The following SEC23A variants were observed in gnomAD, a reference collection of about 807,000 sequenced individuals.
SEC23A encodes protein transport protein Sec23A.
A neutral mutation model predicts 103.7 loss-of-function variants in SEC23A; 56 were observed. The ratio of observed to expected loss-of-function variants is 0.54; its 90% CI spans 0.44 to 0.67. SEC23A has a LOEUF of 0.67. Among genes scored for constraint, SEC23A ranks in the 30% least tolerant of loss-of-function variants. The pLI, the probability that SEC23A is intolerant of heterozygous loss-of-function variation, is 0.00. For synonymous variants in SEC23A, 281 were observed against 293.0 expected (o/e 0.96, Z 0.42); for missense variants, 784 against 936.4 (o/e 0.84, Z 2.12).
At chr14:39,055,079 G>A in intron 14 of SEC23A, 64 bp downstream of exon 14, 4 of 1,586,530 alleles carry the variant, frequency 2.5e-6, no homozygotes, top group Non-Finnish European at 3.5e-6. Context: ...GAGATTATCT[G>A]CAACAAACAT....
At chr14:39,040,707 A>T in intron 18 of SEC23A, 25 bp downstream of exon 18, 1 of 1,614,028 alleles carries the variant, frequency 6.2e-7, no homozygotes, top group Non-Finnish European at 8.5e-7. Context: ...ACAAACAAAC[A>T]CACAAACAAA....
Position 39,095,191 on chromosome 14 carries a change from G to C in SEC23A, c.221+707C>G, listed in dbSNP as rs559089233. ...ATCACCCAGATTTGCTAGTGGATTGGCTGGGGGGAGAGGGAATGGAAAGAG... is the reference window on the plus strand; with the variant it reads ...ATCACCCAGATTTGCTAGTGGATTGCCTGGGGGGAGAGGGAATGGAAAGAG... On this transcript the variant is annotated intron_variant, in intron 2 of 19. Coordinates refer to ENST00000307712, the MANE Select transcript of SEC23A (RefSeq NM_006364.4). Among the ~76,000 whole-genome samples, 9 of 152,294 alleles carry C rather than the reference G, an allele frequency of 5.9e-5. No individual in the cohort carries two copies. In the South Asian group the frequency reaches 1.9e-3, roughly 32 times the overall value.
intron 18 of SEC23A, 161 bp from the exon 19 acceptor site, chr14:39,039,257 C>T (rs1594433327): frequency 1.6e-6 from 1 of 617,530 alleles, no homozygotes; most frequent in Non-Finnish European, 2.8e-6. Flanking sequence ...ATGTATAGGT[C>T]ACTAAGTGTT....
In SEC23A at chr14:39,050,808, GAAGA is replaced by G. The variant is rs3064945; in HGVS notation, c.1660-2083_1660-2080del. ...CCCATCTCAAAAGAAGGAAAGAAAG[GAAGA>G]AAGAAAGAAAGAAAGAAAGAGATGA... On this transcript the variant is annotated intron_variant, in intron 14 of 19. Transcript: ENST00000307712. Among the ~76,000 whole-genome samples, 407 of 150,722 alleles carry G rather than the reference GAAGA, an allele frequency of 2.7e-3. 3 individuals are homozygous for G. The highest frequency in any genetic ancestry group is 0.011 in the South Asian group (52 of 4,732).
At chr14:39,102,522 G>A (rs904364136) in intron 1 of SEC23A, among the ~76,000 whole-genome samples, 3 of 152,202 alleles carry the variant, frequency 2.0e-5, no homozygotes, top group Non-Finnish European at 4.4e-5. Context: ...AAAGCCCAGT[G>A]AGATAGGGCT....
intron 15 of SEC23A, among the ~76,000 whole-genome samples, chr14:39,047,865 C>T (rs934361656): frequency 1.3e-5 from 2 of 152,204 alleles, no homozygotes; most frequent in African/African-American, 4.8e-5. Flanking sequence ...ATCAAATCAA[C>T]AGGAAGATGG....
chr14:39,101,829 G>C (rs1888107818), intron 1 of SEC23A, among the ~76,000 whole-genome samples: 2 of 151,984 alleles, frequency 1.3e-5, no homozygotes, highest in Admixed American at 1.3e-4. Flanking sequence ...TATGATCTTG[G>C]ACAATTAACC....
At chr14:39,057,418 C>G (rs542414076) in intron 13 of SEC23A, among the ~76,000 whole-genome samples, 10 of 152,232 alleles carry the variant, frequency 6.6e-5, no homozygotes, top group Non-Finnish European at 1.5e-4. Flanking sequence ...GTGGCATGAT[C>G]ATGGTTCAAG....
Position 39,082,182 on chromosome 14 carries a change from T to C in SEC23A, c.828+3580A>G, listed in dbSNP as rs116206635. Among the ~76,000 whole-genome samples the C allele has an allele frequency of 7.4e-3, 1,120 of 152,130 alleles. 17 individuals are homozygous for C. The highest frequency in any genetic ancestry group is 0.026 in the African/African-American group (1,065 of 41,520). Reference sequence around the variant, plus strand: ...AATTATGATAGTAAAGGAATGTATCTTGTTGTATAAAATAAGAATGTAAGA... The same window carrying C: ...AATTATGATAGTAAAGGAATGTATCCTGTTGTATAAAATAAGAATGTAAGA... On this transcript the variant is annotated intron_variant, in intron 7 of 19. Transcript: ENST00000307712.
At position 39,092,728 on chromosome 14, in the gene SEC23A, A is replaced by G. The variant is rs544893090; in HGVS notation, c.280-101T>C. The G allele has an allele frequency of 9.9e-6, 7 of 708,618 alleles. No individual in the cohort carries two copies. The East Asian group carries it at 2.0e-4, about 20-fold the overall frequency. 43.9% of individuals were successfully genotyped at this position (708,618 alleles called of 1,614,324 possible). On this transcript the variant is annotated intron_variant, in intron 3 of 19. Transcript: ENST00000307712. ...TTCCTGATCATTTAATTATTTTTAAAAAGGCATTTTCATTAAATGAGAAAT... is the reference window on the plus strand; with the variant it reads ...TTCCTGATCATTTAATTATTTTTAAGAAGGCATTTTCATTAAATGAGAAAT...
intron 15 of SEC23A, among the ~76,000 whole-genome samples, chr14:39,045,548 A>C (rs1280208279): frequency 6.6e-6 from 1 of 152,182 alleles, no homozygotes; most frequent in African/African-American, 2.4e-5. Flanking sequence ...AAGAAAAAAA[A>C]AATTTTTAAG....
chr14:39,051,760 C>T (rs1366426762), intron 14 of SEC23A, among the ~76,000 whole-genome samples: 1 of 151,836 alleles, frequency 6.6e-6, no homozygotes, highest in Non-Finnish European at 1.5e-5. Context: ...GCCAGGAGTT[C>T]GAGACCAGCC....
intron 5 of SEC23A, chr14:39,088,668 G>A (rs1340097309): frequency 6.6e-6 from 1 of 152,336 alleles, no homozygotes; most frequent in African/African-American, 2.4e-5. Context: ...AAGAGGCAGA[G>A]GTTGCAGTGA....
chr14:39,073,743 G>A (rs1201072929), intron 9 of SEC23A, among the ~76,000 whole-genome samples: 1 of 149,732 alleles, frequency 6.7e-6, no homozygotes, highest in African/African-American at 2.5e-5. Flanking sequence ...CCGAGTAGCT[G>A]GGATTACAGG....
At position 39,033,218 on chromosome 14, in the gene SEC23A, G is replaced by A. The variant is rs183135043; in HGVS notation, c.*21C>T. 6.6e-7 allele frequency: 1 copy of A among 1,523,410 alleles called. No homozygotes were observed. Among genetic ancestry groups the A allele is most frequent in the Non-Finnish European group, 9.1e-7 (1 of 1,097,388 alleles). 94.4% of individuals were successfully genotyped at this position (1,523,410 alleles called of 1,614,324 possible). On this transcript the variant is annotated 3_prime_UTR_variant, in exon 20 of 20. Coordinates refer to ENST00000307712, the MANE Select transcript of SEC23A (RefSeq NM_006364.4). Reference sequence around the variant, plus strand: ...TGAATATTATTTCATCTTCTTAAGTGTCTTTAACATTATTAGCACTTCAAG... The same window carrying A: ...TGAATATTATTTCATCTTCTTAAGTATCTTTAACATTATTAGCACTTCAAG...
At chr14:39,069,988 T>C (rs1368280058) in intron 9 of SEC23A, among the ~76,000 whole-genome samples, 9 of 152,252 alleles carry the variant, frequency 5.9e-5, no homozygotes, top group African/African-American at 2.2e-4. Flanking sequence ...ATACTTATCC[T>C]ATCTCCTCTC....
At chr14:39,075,881 G>T in intron 8 of SEC23A, 54 bp downstream of exon 8, 3 of 1,462,426 alleles carry the variant, frequency 2.1e-6, no homozygotes, top group Admixed American at 1.7e-5. Context: ...TCTTCTGCCA[G>T]CAAATGAATA....
At chr14:39,081,499 T>C (rs1355651724) in intron 7 of SEC23A, among the ~76,000 whole-genome samples, 1 of 152,226 alleles carries the variant, frequency 6.6e-6, no homozygotes, top group African/African-American at 2.4e-5. Flanking sequence ...TTGAACATTA[T>C]ATTTTGTACT....
At position 39,048,683 on chromosome 14, in the gene SEC23A, C is replaced by G. The variant is rs1296149374; in HGVS notation, c.1706G>C (p.Arg569Thr). The G allele has an allele frequency of 2.2e-5, 35 of 1,595,200 alleles. No individual in the cohort carries two copies. Among genetic ancestry groups the G allele is most frequent in the Non-Finnish European group, 2.8e-5 (32 of 1,163,014 alleles). The change falls in exon 15 of 20, where the codon AGA becomes ACA. Residue 569 changes from arginine (R) to threonine (T), a missense_variant. Physicochemically the swap from Arg to Thr is moderately conservative, Grantham distance 71. Transcript: ENST00000307712. ...ATAAAGGGAGAAAGTTTCTGAAAAT[C>G]TGAAGGAACTTGGGTCATCTTTATG... ...EYHKDDPSSF[R>T]FSETFSLYPQ...
Sources: gnomAD v4.1 joint callset for allele counts (sites outside exome capture counted in the v4.1 genomes callset) on GRCh38, gnomAD v4.1.1 for gene constraint, MANE v1.5 for transcripts, NCBI Gene and HGNC (gene_info 2026-07-23, HGNC 2026-07-21) for gene names.